SLIT3: variants seen among roughly 807,000 people sequenced by gnomAD.
SLIT3 encodes slit homolog 3 protein.
In SLIT3, 68 loss-of-function variants were observed where a neutral mutation model predicts 184.0. That is an observed-to-expected ratio of 0.37 (90% CI 0.30 to 0.45). The LOEUF (loss-of-function observed/expected upper bound fraction) is 0.45. Ranked by LOEUF, SLIT3 falls within the 20% of genes least tolerant of loss-of-function variation. The probability of loss-of-function intolerance (pLI) is 1.00; values close to 1 mark genes in which losing one functional copy is unlikely to be tolerated. For synonymous variants in SLIT3, 831 were observed against 828.6 expected, an observed-to-expected ratio of 1.00 and a Z score of -0.05; for missense variants, 1,707 against 2,026.0, an observed-to-expected ratio of 0.84 and a Z score of 3.02.
At chr5:169,144,731 G>A (rs1296583857) in intron 4 of SLIT3, among the ~76,000 whole-genome samples, 2 of 152,220 alleles carry the variant, frequency 1.3e-5, no homozygotes, top group African/African-American at 2.4e-5. Context: ...TCTATGGCAG[G>A]AGAATGCCCA....
At chr5:168,980,125 C>T (rs548899136) in intron 4 of SLIT3, among the ~76,000 whole-genome samples, 2 of 152,100 alleles carry the variant, frequency 1.3e-5, no homozygotes, top group African/African-American at 2.4e-5. Flanking sequence ...AATCCCAAAC[C>T]CTTTTTATCT....
At chr5:169,216,158 T>G (rs531270280) in intron 3 of SLIT3, among the ~76,000 whole-genome samples, 10 of 152,286 alleles carry the variant, frequency 6.6e-5, no homozygotes, top group African/African-American at 2.4e-4. Flanking sequence ...ATGACTGGCC[T>G]GAATCCATGC....
At chr5:168,936,125 C>G (rs1192512763) in intron 4 of SLIT3, among the ~76,000 whole-genome samples, 1 of 152,242 alleles carries the variant, frequency 6.6e-6, no homozygotes, top group African/African-American at 2.4e-5. Context: ...CTAACCAAAG[C>G]TGCCTCATGG....
chr5:169,217,185 G>T (rs1342420474), intron 3 of SLIT3, among the ~76,000 whole-genome samples: 1 of 151,568 alleles, frequency 6.6e-6, no homozygotes, highest in African/African-American at 2.4e-5. Flanking sequence ...CAGCCTTGGG[G>T]AGCTAAACTT....
At chr5:169,267,624 CTT>C (rs1766446024) in intron 1 of SLIT3, among the ~76,000 whole-genome samples, 1 of 152,190 alleles carries the variant, frequency 6.6e-6, no homozygotes, top group South Asian at 2.1e-4. Context: ...AACTTGAATA[CTT>C]TTGTGAGTTA....
chr5:168,714,772 C>A (rs578055493), intron 23 of SLIT3, among the ~76,000 whole-genome samples: 3 of 152,288 alleles, frequency 2.0e-5, no homozygotes, highest in African/African-American at 7.2e-5. Context: ...CCTTTCTCCT[C>A]CCCTTCTCCC....
intron 4 of SLIT3, among the ~76,000 whole-genome samples, chr5:168,919,192 G>A (rs545051097): frequency 5.9e-5 from 9 of 151,494 alleles, no homozygotes; most frequent in African/African-American, 1.5e-4. Flanking sequence ...CCCGGGAGGC[G>A]GAGGTTGCAG....
intron 15 of SLIT3, among the ~76,000 whole-genome samples, chr5:168,761,173 T>C (rs1755132939): frequency 6.6e-6 from 1 of 152,142 alleles, no homozygotes; most frequent in South Asian, 2.1e-4. Context: ...TTAGGGGACT[T>C]TCTGAGTATT....
chr5:169,275,436 C>T (rs1277405408), intron 1 of SLIT3, among the ~76,000 whole-genome samples: 1 of 152,202 alleles, frequency 6.6e-6, no homozygotes, highest in Non-Finnish European at 1.5e-5. Context: ...GCTGCAGTGT[C>T]AGAGGGCCAG....
chr5:168,908,664 G>C, intron 4 of SLIT3, among the ~76,000 whole-genome samples: 1 of 152,174 alleles, frequency 6.6e-6, no homozygotes, highest in East Asian at 1.9e-4. Flanking sequence ...AAGGGAACAA[G>C]GCAAAGACCT....
At chr5:169,134,267 C>T (rs1287385703) in intron 4 of SLIT3, among the ~76,000 whole-genome samples, 24 of 152,228 alleles carry the variant, frequency 1.6e-4, no homozygotes, top group Admixed American at 1.6e-3. Context: ...AGAATCAAGT[C>T]CAATAAGGTC....
At chr5:168,886,576 C>T (rs1186012157) in intron 4 of SLIT3, among the ~76,000 whole-genome samples, 1 of 152,160 alleles carries the variant, frequency 6.6e-6, no homozygotes, top group East Asian at 1.9e-4. Flanking sequence ...AGGGAAGCAG[C>T]TCAGGGCTGA....
intron 8 of SLIT3, 70 bp downstream of exon 8, chr5:168,817,230 G>T (rs527468558): frequency 1.4e-6 from 2 of 1,434,916 alleles, no homozygotes; most frequent in African/African-American, 1.4e-5. Flanking sequence ...CAAGGTCAGG[G>T]TGATGTTGTG....
At chr5:169,174,717 T>C (rs971114650) in intron 4 of SLIT3, among the ~76,000 whole-genome samples, 1 of 151,906 alleles carries the variant, frequency 6.6e-6, no homozygotes, top group African/African-American at 2.4e-5. Context: ...TCACAATCTA[T>C]GAAAAATCCA....
chr5:168,981,621 C>T (rs1754948243), intron 4 of SLIT3, among the ~76,000 whole-genome samples: 1 of 152,198 alleles, frequency 6.6e-6, no homozygotes, highest in East Asian at 1.9e-4. Context: ...TTATCCAGGA[C>T]TCCAAGCACT....
rs569459125 is a variant in SLIT3, at chr5:169,223,483, T to G, written c.341+21222A>C. 1.4e-4 allele frequency among the ~76,000 whole-genome samples: 22 copies of G among 152,322 alleles called. 1 individual carries two copies. In the South Asian group the frequency reaches 4.6e-3, roughly 32 times the overall value. On this transcript the variant is annotated intron_variant, in intron 3 of 35. Coordinates refer to ENST00000519560, the MANE Select transcript of SLIT3 (RefSeq NM_003062.4). ...GTCCTGCCAAGTCAAACAAAAGTGATAGAGACGTGCAGTTAGGGATTAGTG... is the reference window on the plus strand; with the variant it reads ...GTCCTGCCAAGTCAAACAAAAGTGAGAGAGACGTGCAGTTAGGGATTAGTG...
chr5:169,141,769 C>T lies in SLIT3; in HGVS notation c.413+51710G>A, dbSNP rs548572683. Among the ~76,000 whole-genome samples, 15 of 136,540 alleles carry T rather than the reference C, an allele frequency of 1.1e-4. No homozygotes were observed. In the South Asian group the frequency reaches 3.6e-3, roughly 32 times the overall value. The allele number at this position is 136,540 out of a possible 152,430, so 89.6% of individuals were successfully genotyped here. A position where few individuals can be genotyped will look rare whatever the true frequency, so the allele number is the denominator to read the frequency against. ...AAGAAAAAAAAAAAAGTTAACATCT[C>T]AGCCCAGAGCGGTGGCTCATGCCTG... On this transcript the variant is annotated intron_variant, in intron 4 of 35. Coordinates refer to ENST00000519560, the MANE Select transcript of SLIT3 (RefSeq NM_003062.4).
At chr5:168,848,190 G>A (rs1758548794) in intron 5 of SLIT3, among the ~76,000 whole-genome samples, 1 of 152,254 alleles carries the variant, frequency 6.6e-6, no homozygotes, top group Admixed American at 6.5e-5. Context: ...TCTAGGAAAA[G>A]GTGTCAGGGC....
intron 32 of SLIT3, among the ~76,000 whole-genome samples, chr5:168,675,130 T>C (rs1761368247): frequency 6.6e-6 from 1 of 151,962 alleles, no homozygotes; most frequent in South Asian, 2.1e-4. Flanking sequence ...TGATGGGAGT[T>C]GGGGAATGTG....
Sources: gnomAD v4.1 joint callset for allele counts (sites outside exome capture counted in the v4.1 genomes callset) on GRCh38, gnomAD v4.1.1 for gene constraint, MANE v1.5 for transcripts, NCBI Gene and HGNC (gene_info 2026-07-23, HGNC 2026-07-21) for gene names.